Variants in NSUN2 observed in about 807,000 individuals in gnomAD.
The protein encoded by NSUN2 is NOP2/Sun RNA methyltransferase 2.
Under a neutral mutation model 92.7 loss-of-function variants are expected in NSUN2, and 63 were observed. That is an observed-to-expected ratio of 0.68 (90% CI 0.56 to 0.84). The LOEUF is 0.84. Among genes scored for constraint, NSUN2 ranks in the 40% least tolerant of loss-of-function variants. NSUN2 has a pLI of 0.00. For synonymous variants in NSUN2, 356 were observed against 348.3 expected, an observed-to-expected ratio of 1.02 and a Z score of -0.25; for missense variants, 989 against 964.9, an observed-to-expected ratio of 1.02 and a Z score of -0.33.
rs764387220 is a variant in NSUN2 at position 6,623,280 on chromosome 5, A to G, written c.471T>C (p.Asn157=). The change falls in exon 5 of 19, where the codon AAT becomes AAC. Residue 157 remains asparagine (N), a synonymous_variant. Transcript: ENST00000264670. ...TGCTAACAGCTTCTTGACGACTAAT[A>G]TTTCCCTTGAGGAAAAAAAAAAAAT... ...QFLVSETESG[N]ISRQEAVSMI... 1.3e-6 allele frequency: 2 copies of G among 1,567,678 alleles called. No individual in the cohort carries two copies. The highest frequency in any genetic ancestry group is 2.3e-5 in the South Asian group (2 of 85,216).
Position 6,600,294 on chromosome 5 carries a change from T to C in NSUN2, c.1998-62A>G, listed in dbSNP as rs1736498486. On this transcript the variant is annotated intron_variant, in intron 18 of 18. Coordinates refer to ENST00000264670, the MANE Select transcript of NSUN2 (RefSeq NM_017755.6). ...ATTCCCATAACTAAATCGAATGAGA[T>C]GTAATATGCAACTGCTTAAAAAAGA... 3.4e-6 allele frequency: 5 copies of C among 1,460,510 alleles called. No individual in the cohort carries two copies. In the South Asian group the frequency reaches 3.9e-5, roughly 11 times the overall value. 90.5% of individuals were successfully genotyped at this position (1,460,510 alleles called of 1,614,324 possible). A position where few individuals can be genotyped will look rare whatever the true frequency, so the allele number is the denominator to read the frequency against.
rs1007401463 is a variant in NSUN2, at chr5:6,626,166, T to A, written c.360-497A>T. On this transcript the variant is annotated intron_variant, in intron 3 of 18. Transcript: ENST00000264670. The stretch of plus-strand genomic sequence containing the variant: ...ACACCAGTTCAATAATGCACTAAAA[T>A]ATTTTACATACCAAAAAAATCCTAC... Among the ~76,000 whole-genome samples, 7 of 152,136 alleles carry A rather than the reference T, an allele frequency of 4.6e-5. No individual in the cohort carries two copies. In the East Asian group the frequency reaches 1.2e-3, roughly 25 times the overall value.
chr5:6,599,547 A>C lies in NSUN2; in HGVS notation c.*379T>G, dbSNP rs959148120. The stretch of plus-strand genomic sequence containing the variant: ...TTTATAGATTCTTTCTATAAATAAT[A>C]ATTTAAAAAATACTGCACCTTAAGA... On this transcript the variant is annotated 3_prime_UTR_variant, in exon 19 of 19. Coordinates refer to ENST00000264670, the MANE Select transcript of NSUN2 (RefSeq NM_017755.6). The C allele has an allele frequency of 1.8e-5, 3 of 165,420 alleles. No individual in the cohort carries two copies. Among genetic ancestry groups the C allele is most frequent in the Admixed American group, 6.1e-5 (1 of 16,524 alleles). The allele number at this position is 165,420 out of a possible 1,614,324, so 10.2% of individuals were successfully genotyped here.
rs748798806 is a variant in NSUN2, at chr5:6,632,770, G to A, written c.97-14C>T. 1.9e-6 allele frequency: 3 copies of A among 1,611,958 alleles called. No individual in the cohort carries two copies. Among genetic ancestry groups the A allele is most frequent in the South Asian group, 1.1e-5 (1 of 90,990 alleles). On this transcript the variant is annotated splice_polypyrimidine_tract_variant and intron_variant, in intron 1 of 18. Coordinates refer to ENST00000264670, the MANE Select transcript of NSUN2 (RefSeq NM_017755.6). ...TCCTTCCCAGCCCTGAGGAAGGAAA[G>A]AGACGTCTACCCCGAGGCCCAAGGA... is the stretch of plus-strand genomic sequence containing the variant.
intron 4 of NSUN2, 101 bp from the exon 5 acceptor site, chr5:6,623,386 C>T: frequency 1.0e-6 from 1 of 959,828 alleles, no homozygotes; most frequent in South Asian, 1.6e-5. Context: ...GAAAACAGCA[C>T]ATAATCTTAT....
Position 6,607,197 on chromosome 5 carries a change from T to A in NSUN2, c.1508+3A>T. On this transcript the variant is annotated splice_donor_region_variant and intron_variant, in intron 13 of 18. Coordinates refer to ENST00000264670, the MANE Select transcript of NSUN2 (RefSeq NM_017755.6). ...TAGATCAAGACATAACCACTTTTCT[T>A]ACCCACACACGCCATCTTTCTTACT... 1 of 1,614,018 alleles carries A rather than the reference T, an allele frequency of 6.2e-7. No homozygotes were observed. Among genetic ancestry groups the A allele is most frequent in the Non-Finnish European group, 8.5e-7 (1 of 1,179,882 alleles).
intron 7 of NSUN2, among the ~76,000 whole-genome samples, chr5:6,619,495 T>C (rs918360140): frequency 6.6e-6 from 1 of 152,360 alleles, no homozygotes; most frequent in South Asian, 2.1e-4. Context: ...ATGATGTCTT[T>C]AGTTTTGTTT....
At chr5:6,605,188 G>A (rs978627834) in intron 15 of NSUN2, 85 bp downstream of exon 15, 1 of 1,558,556 alleles carries the variant, frequency 6.4e-7, no homozygotes, top group Non-Finnish European at 8.7e-7. Flanking sequence ...AGATGTCACG[G>A]TCTGCTCCAA....
chr5:6,611,467 C>CAAAAAAAAAAAAAAAAAAAAAAAA (rs1553997593), intron 10 of NSUN2, among the ~76,000 whole-genome samples: 17 of 64,850 alleles, frequency 2.6e-4, no homozygotes, highest in African/African-American at 5.1e-4. Flanking sequence ...AAAAAAAAAG[C>CAAAAAAAAAAAAAAAAAAAAAAAA]AAAGCTACCC....
At chr5:6,607,632 C>T (rs1337621346) in intron 12 of NSUN2, among the ~76,000 whole-genome samples, 1 of 152,180 alleles carries the variant, frequency 6.6e-6, no homozygotes. Flanking sequence ...GCATATACAG[C>T]CTGTTCCTTA....
rs1278066661 is a variant in NSUN2 at position 6,620,212 on chromosome 5, T to C, written c.709A>G (p.Met237Val). 1.2e-6 allele frequency: 2 copies of C among 1,613,458 alleles called. No homozygotes were observed. Among genetic ancestry groups the C allele is most frequent in the Non-Finnish European group, 8.5e-7 (1 of 1,179,786 alleles). Residue 237 changes from methionine (M) to valine (V), a missense_variant, in exon 7 of 19, where the codon ATG (methionine) becomes GTG (valine). By Grantham distance (21) the Met-to-Val change is conservative. Coordinates refer to ENST00000264670, the MANE Select transcript of NSUN2 (RefSeq NM_017755.6). ...CTGGAGGCATCATGGTTGACCACCA[T>C]GATGCAGGGGCTGCTCAGCCTCTTG... ...QAKRLSSPCI[M>V]VVNHDASSIP...
chr5:6,622,150 C>T, intron 5 of NSUN2, 50 bp from the exon 6 acceptor site: 6 of 1,413,398 alleles, frequency 4.2e-6, no homozygotes, highest in Non-Finnish European at 6.0e-6. Flanking sequence ...ACCAAATATT[C>T]TACATTTAAT....
intron 3 of NSUN2, among the ~76,000 whole-genome samples, 161 bp downstream of exon 3, chr5:6,631,712 G>C (rs1021737276): frequency 6.6e-6 from 1 of 152,246 alleles, no homozygotes; most frequent in African/African-American, 2.4e-5. Flanking sequence ...AACTTGCGTA[G>C]CAATATAATG....
intron 17 of NSUN2, among the ~76,000 whole-genome samples, chr5:6,603,169 A>G (rs2126468486): frequency 6.6e-6 from 1 of 152,374 alleles, no homozygotes; most frequent in Middle Eastern, 3.4e-3. Flanking sequence ...AAGACAACAG[A>G]AAGAAAATTA....
chr5:6,607,627 T>C lies in NSUN2; in HGVS notation c.1324-243A>G, dbSNP rs116672053. ...CTACCTTAATCCCACAAAGAGCATA[T>C]ACAGCCTGTTCCTTAGCAGAGGCCT... is the stretch of plus-strand genomic sequence containing the variant. On this transcript the variant is annotated intron_variant, in intron 12 of 18. Transcript: ENST00000264670. Among the ~76,000 whole-genome samples the C allele has an allele frequency of 9.3e-3, 1,418 of 152,314 alleles. 19 individuals are homozygous for C. The highest frequency in any genetic ancestry group is 0.032 in the African/African-American group (1,335 of 41,558).
intron 7 of NSUN2, among the ~76,000 whole-genome samples, chr5:6,618,952 C>G (rs1273765832): frequency 6.6e-6 from 1 of 152,204 alleles, no homozygotes; most frequent in Non-Finnish European, 1.5e-5. Flanking sequence ...GTAATCCCCA[C>G]TTTGCAATGG....
intron 15 of NSUN2, chr5:6,605,040 G>C: frequency 1.6e-6 from 1 of 617,582 alleles, no homozygotes; most frequent in Non-Finnish European, 2.8e-6. Context: ...ACCCCCCTGC[G>C]GGAATGGGGC....
In NSUN2 at chr5:6,607,193, T is replaced by C. The variant is rs1253817321; in HGVS notation, c.1508+7A>G. ...GTATTAGATCAAGACATAACCACTT[T>C]TCTTACCCACACACGCCATCTTTCT... On this transcript the variant is annotated splice_region_variant and intron_variant, in intron 13 of 18. Coordinates refer to ENST00000264670, the MANE Select transcript of NSUN2 (RefSeq NM_017755.6). 6.2e-7 allele frequency: 1 copy of C among 1,613,762 alleles called. No individual in the cohort carries two copies. The highest frequency in any genetic ancestry group is 1.3e-5 in the African/African-American group (1 of 74,930).
chr5:6,625,574 T>C lies in NSUN2; in HGVS notation c.455A>G (p.Glu152Gly). 6.2e-7 allele frequency: 1 copy of C among 1,612,438 alleles called. No individual in the cohort carries two copies. The highest frequency in any genetic ancestry group is 1.1e-5 in the South Asian group (1 of 91,044). ...LEKFHQFLVS[E>G]TESGNISRQE... ...AAGAAATCAACTTACAGATTCTGTT[T>C]CACTAACTAGAAACTGATGAAACTT... is the stretch of plus-strand genomic sequence containing the variant. The change falls in exon 4 of 19, where the codon GAA (glutamate) becomes GGA (glycine). Residue 152 changes from glutamate to glycine, a missense_variant. Transcript: ENST00000264670.
Sources: gnomAD v4.1 joint callset for allele counts (sites outside exome capture counted in the v4.1 genomes callset) on GRCh38, gnomAD v4.1.1 for gene constraint, MANE v1.5 for transcripts, NCBI Gene and HGNC (gene_info 2026-07-23, HGNC 2026-07-21) for gene names.